GIGYF2: variants seen among roughly 807,000 people sequenced by gnomAD.
GIGYF2 encodes GRB10 interacting GYF protein 2.
Under a neutral mutation model 208.1 loss-of-function variants are expected in GIGYF2, and 25 were observed. That is an observed-to-expected ratio of 0.12 (90% confidence interval 0.09 to 0.17). The LOEUF is 0.17. Ranked by LOEUF, GIGYF2 falls within the 10% of genes least tolerant of loss-of-function variation. The pLI is 1.00. For missense variants in GIGYF2, 1,302 were observed against 1,579.4 expected (o/e 0.82, Z 2.98); for synonymous variants, 534 against 543.8 (o/e 0.98, Z 0.25).
intron 28 of GIGYF2, among the ~76,000 whole-genome samples, 166 bp downstream of exon 28, chr2:232,850,575 G>A (rs1490580489): frequency 2.0e-5 from 3 of 152,174 alleles, no homozygotes; most frequent in Non-Finnish European, 2.9e-5. Context: ...TTTACTGGGC[G>A]TCTCAGTGCA....
In GIGYF2 at chr2:232,791,059, G is replaced by C. The variant is rs374338771; in HGVS notation, c.982G>C (p.Val328Leu). The change falls in exon 11 of 29, where the codon GTG becomes CTG. Residue 328 changes from valine (V) to leucine (L), a missense_variant. By Grantham distance (32) the Val-to-Leu change is conservative. Coordinates refer to ENST00000373563, the MANE Select transcript of GIGYF2 (RefSeq NM_001103146.3). Reference sequence around the variant, plus strand: ...AGAGCAGGAGATGGACTTCCGGCCTGTGGACGAAGGGGAGGAGTGCTCTGA... The same window carrying C: ...AGAGCAGGAGATGGACTTCCGGCCTCTGGACGAAGGGGAGGAGTGCTCTGA... ...PEEQEMDFRP[V>L]DEGEECSDSE... is the part of the protein sequence containing the mutation. 3.2e-5 allele frequency: 52 copies of C among 1,613,960 alleles called. No individual in the cohort carries two copies. Among genetic ancestry groups the C allele is most frequent in the Non-Finnish European group, 4.3e-5 (51 of 1,179,974 alleles).
In GIGYF2 at chr2:232,856,827, C is replaced by T. The variant is rs1559173407; in HGVS notation, c.3867C>T (p.Asn1289=). The change falls in exon 29 of 29, where the codon AAC becomes AAT. Residue 1289 remains asparagine (N), a synonymous_variant. Coordinates refer to ENST00000373563, the MANE Select transcript of GIGYF2 (RefSeq NM_001103146.3). ...FSVNASSERL[N]MGEIETLDDY ...TCAATGCATCATCGGAGCGACTCAA[C>T]ATGGGTGAAATCGAGACGTTGGATG... The T allele has an allele frequency of 6.2e-7, 1 of 1,613,560 alleles. No homozygotes were observed. Among genetic ancestry groups the T allele is most frequent in the South Asian group, 1.1e-5 (1 of 91,076 alleles).
At chr2:232,759,319 A>T (rs1698660331) in intron 6 of GIGYF2, among the ~76,000 whole-genome samples, 1 of 152,164 alleles carries the variant, frequency 6.6e-6, no homozygotes, top group Non-Finnish European at 1.5e-5. Context: ...ACGATGGCTA[A>T]GATTTCACCT....
At position 232,809,716 on chromosome 2, in the gene GIGYF2, C is replaced by T. The variant is rs755234106; in HGVS notation, c.1807-4C>T. On this transcript the variant is annotated splice_polypyrimidine_tract_variant and splice_region_variant and intron_variant, in intron 15 of 28. Transcript: ENST00000373563. ...TATTTATTTCCTCACCACTTCATTC[C>T]TAGGGAGAGCTGGACCAGGAACGAC... 1.3e-6 allele frequency: 2 copies of T among 1,582,462 alleles called. No homozygotes were observed. Among genetic ancestry groups the T allele is most frequent in the Non-Finnish European group, 8.7e-7 (1 of 1,151,134 alleles).
intron 7 of GIGYF2, 98 bp from the exon 8 acceptor site, chr2:232,761,295 TGAA>T: frequency 4.0e-6 from 3 of 757,300 alleles, no homozygotes; most frequent in East Asian, 2.6e-5. Context: ...TTTTGTAATT[TGAA>T]GAAGAAATGC....
intron 3 of GIGYF2, among the ~76,000 whole-genome samples, chr2:232,741,227 AGC>A (rs1474253993): frequency 6.6e-6 from 1 of 152,150 alleles, no homozygotes; most frequent in African/African-American, 2.4e-5. Context: ...TGTTTGCTCA[AGC>A]TAGCAGTCTC....
At position 232,767,901 on chromosome 2, in the gene GIGYF2, A is replaced by G. The variant is rs191388517; in HGVS notation, c.532+6465A>G. On this transcript the variant is annotated intron_variant, in intron 8 of 28. Transcript: ENST00000373563. ...AAACTTCACTGTCCATTTTGCCTTCATTACTAGTATCATACCACATTCTTA... is the reference window on the plus strand; with the variant it reads ...AAACTTCACTGTCCATTTTGCCTTCGTTACTAGTATCATACCACATTCTTA... 53 of 377,224 alleles carry G rather than the reference A, an allele frequency of 1.4e-4. No individual in the cohort carries two copies. The East Asian group carries it at 3.0e-3, about 21-fold the overall frequency. The allele number at this position is 377,224 out of a possible 1,614,324, so 23.4% of individuals were successfully genotyped here.
chr2:232,816,445 A>G (rs995900242), intron 19 of GIGYF2, among the ~76,000 whole-genome samples: 2 of 152,226 alleles, frequency 1.3e-5, no homozygotes, highest in African/African-American at 4.8e-5. Flanking sequence ...TAAATGTTCA[A>G]TCAGAAAGTT....
In GIGYF2 at chr2:232,704,553, C is replaced by T. The variant is rs970938088; in HGVS notation, c.-44+1064C>T. Among the ~76,000 whole-genome samples, 4 of 152,042 alleles carry T rather than the reference C, an allele frequency of 2.6e-5. No homozygotes were observed. In the South Asian group the frequency reaches 6.2e-4, roughly 24 times the overall value. Reference sequence around the variant, plus strand: ...CTGAGTAGCTGAGATTACAGGTATTCGCCACCACACCCAGCTAATTTTTAG... The same window carrying T: ...CTGAGTAGCTGAGATTACAGGTATTTGCCACCACACCCAGCTAATTTTTAG... On this transcript the variant is annotated intron_variant, in intron 2 of 28. Transcript: ENST00000373563.
chr2:232,715,188 C>T (rs1696624463), intron 2 of GIGYF2, among the ~76,000 whole-genome samples: 1 of 152,134 alleles, frequency 6.6e-6, no homozygotes, highest in African/African-American at 2.4e-5. Context: ...CGTATTGCTG[C>T]ATGCAAATAG....
chr2:232,759,468 A>G (rs1188560972), intron 6 of GIGYF2, among the ~76,000 whole-genome samples: 9 of 151,986 alleles, frequency 5.9e-5, no homozygotes, highest in Admixed American at 3.3e-4. Context: ...CTGCCTCCAG[A>G]CCTAACAATT....
chr2:232,739,821 C>T (rs193288209), intron 3 of GIGYF2, among the ~76,000 whole-genome samples: 23 of 151,244 alleles, frequency 1.5e-4, no homozygotes, highest in Non-Finnish European at 2.4e-4. Flanking sequence ...ATATTTAGGC[C>T]GGGCGCGGTG....
chr2:232,775,852 A>G (rs1190795623), intron 8 of GIGYF2, among the ~76,000 whole-genome samples: 6 of 152,214 alleles, frequency 3.9e-5, no homozygotes, highest in African/African-American at 7.2e-5. Context: ...CTTTAAGACT[A>G]TATTGAAAGT....
intron 18 of GIGYF2, among the ~76,000 whole-genome samples, chr2:232,815,367 TG>T (rs961972248): frequency 6.6e-6 from 1 of 152,088 alleles, no homozygotes; most frequent in African/African-American, 2.4e-5. Context: ...TCTGTAAAAA[TG>T]GGGGTATGAA....
At chr2:232,742,516 A>T (rs948996233) in intron 3 of GIGYF2, among the ~76,000 whole-genome samples, 2 of 152,152 alleles carry the variant, frequency 1.3e-5, no homozygotes, top group African/African-American at 2.4e-5. Context: ...GTGCCACTGC[A>T]CTCCAGCCTG....
At chr2:232,785,402 A>G (rs1699878631) in intron 8 of GIGYF2, among the ~76,000 whole-genome samples, 1 of 152,078 alleles carries the variant, frequency 6.6e-6, no homozygotes, top group Admixed American at 6.5e-5. Flanking sequence ...CTGGGGTTTG[A>G]TCCACTTCCA....
intron 2 of GIGYF2, among the ~76,000 whole-genome samples, chr2:232,723,432 C>CTTT (rs371379851): frequency 4.4e-5 from 6 of 135,110 alleles, no homozygotes; most frequent in East Asian, 2.2e-4. Flanking sequence ...CTTTTCTTTT[C>CTTT]TTTTTTTTTT....
chr2:232,789,186 G>T (rs1239250256), intron 9 of GIGYF2, among the ~76,000 whole-genome samples: 2 of 151,978 alleles, frequency 1.3e-5, no homozygotes, highest in Non-Finnish European at 1.5e-5. Context: ...GTTTAGTTTC[G>T]TGAGTAAAAT....
At chr2:232,818,413 A>T (rs1700978232) in intron 20 of GIGYF2, among the ~76,000 whole-genome samples, 1 of 152,174 alleles carries the variant, frequency 6.6e-6, no homozygotes, top group South Asian at 2.1e-4. Flanking sequence ...TTTAGACAGA[A>T]ATCACCCAGC....
Sources: allele counts gnomAD v4.1 joint callset (sites outside exome capture counted in the v4.1 genomes callset), GRCh38; gene constraint gnomAD v4.1.1; transcripts MANE v1.5; gene names NCBI Gene and HGNC (gene_info 2026-07-23, HGNC 2026-07-21).